SRFBP1: variants seen among roughly 807,000 people sequenced by gnomAD.
SRFBP1 encodes the protein serum response factor-binding protein 1.
Under a neutral mutation model 45.5 loss-of-function variants are expected in SRFBP1, and 47 were observed. The observed-to-expected ratio is 1.03, with a 90% CI of 0.82 to 1.32. The LOEUF is 1.32. Among genes scored for constraint, SRFBP1 ranks in the 40% most tolerant of loss-of-function variants. The pLI, the probability that SRFBP1 is intolerant of heterozygous loss-of-function variation, is 0.00. For missense variants in SRFBP1, 621 were observed against 484.6 expected (o/e 1.28, Z -2.64); for synonymous variants, 203 against 166.3 (o/e 1.22, Z -1.70).
At chr5:122,045,578 G>A (rs116661349) in intron 2 of SRFBP1, among the ~76,000 whole-genome samples, 1 of 152,118 alleles carries the variant, frequency 6.6e-6, no homozygotes, top group African/African-American at 2.4e-5. Context: ...CACCTCAATA[G>A]TTAGCTGTAT....
At chr5:122,017,486 A>AGT in intron 4 of SRFBP1, among the ~76,000 whole-genome samples, 1 of 152,150 alleles carries the variant, frequency 6.6e-6, no homozygotes, top group Middle Eastern at 3.2e-3. Context: ...TGGGCTTAAG[A>AGT]CCACCCTGAT....
At chr5:122,010,902 A>G (rs999370488) in intron 4 of SRFBP1, among the ~76,000 whole-genome samples, 1 of 152,136 alleles carries the variant, frequency 6.6e-6, no homozygotes, top group Non-Finnish European at 1.5e-5. Flanking sequence ...TATTTAAAAA[A>G]TCTTAGTTGA....
intron 3 of SRFBP1, among the ~76,000 whole-genome samples, chr5:121,990,857 T>G (rs1752608064): frequency 6.6e-6 from 1 of 152,200 alleles, no homozygotes; most frequent in African/African-American, 2.4e-5. Context: ...TGAAGCAGAA[T>G]TGTTCCCAAC....
chr5:121,993,555 A>G (rs951754290), intron 3 of SRFBP1, among the ~76,000 whole-genome samples: 1 of 152,120 alleles, frequency 6.6e-6, no homozygotes, highest in African/African-American at 2.4e-5. Flanking sequence ...CCTTTCTACC[A>G]CCCAGTTATA....
intron 4 of SRFBP1, among the ~76,000 whole-genome samples, chr5:122,001,544 A>ATCTT (rs1752869602): frequency 1.6e-5 from 2 of 125,090 alleles, no homozygotes; most frequent in Non-Finnish European, 3.4e-5. Context: ...ATCCTTTGGT[A>ATCTT]TCTTTTTTTT....
chr5:121,997,754 G>C (rs1024775899), intron 4 of SRFBP1, among the ~76,000 whole-genome samples: 2 of 151,520 alleles, frequency 1.3e-5, no homozygotes, highest in African/African-American at 2.4e-5. Flanking sequence ...GAAAATTTTC[G>C]CAACCTACTC....
At chr5:122,024,611 G>A (rs189131455) in intron 7 of SRFBP1, among the ~76,000 whole-genome samples, 1 of 152,214 alleles carries the variant, frequency 6.6e-6, no homozygotes, top group Admixed American at 6.5e-5. Context: ...AACTCAATTA[G>A]CCATGTGACC....
At chr5:122,077,719 A>T, downstream of SRFBP1, 1 of 1,585,998 alleles carries the variant, frequency 6.3e-7, no homozygotes, top group Non-Finnish European at 8.5e-7. The surrounding 1 kb of genome is among the most constrained non-coding windows in gnomAD (Gnocchi z 4.9). Context: ...GCAGGATCGG[A>T]GTGCGGGGCT....
intron 5 of SRFBP1, 81 bp downstream of exon 5, chr5:122,019,422 T>C: frequency 9.3e-7 from 1 of 1,078,560 alleles, no homozygotes; most frequent in East Asian, 2.5e-5. Flanking sequence ...ATTTTAACTC[T>C]TGAGGTTCTA....
At chr5:122,074,026 G>T in intron 2 of SRFBP1, 1 of 1,614,002 alleles carries the variant, frequency 6.2e-7, no homozygotes, top group Non-Finnish European at 8.5e-7. Context: ...TGTGTGTGCA[G>T]TACATGCAAA....
intron 3 of SRFBP1, among the ~76,000 whole-genome samples, chr5:121,982,798 A>G (rs1752437231): frequency 6.6e-6 from 1 of 151,796 alleles, no homozygotes; most frequent in Non-Finnish European, 1.5e-5. Context: ...AGCAGTATGA[A>G]GGGAGAAAGC....
At chr5:122,050,561 A>G (rs925718449) in intron 2 of SRFBP1, among the ~76,000 whole-genome samples, 1 of 151,334 alleles carries the variant, frequency 6.6e-6, no homozygotes, top group African/African-American at 2.4e-5. Flanking sequence ...GTTGGGTTTT[A>G]TTTGTTTGTT....
intron 2 of SRFBP1, among the ~76,000 whole-genome samples, chr5:122,037,271 A>C (rs1753709327): frequency 6.6e-6 from 1 of 151,928 alleles, no homozygotes; most frequent in Admixed American, 6.6e-5. Context: ...AAACTGACAC[A>C]AACATCATGC....
At chr5:122,062,399 A>G (rs137856828) in intron 2 of SRFBP1, among the ~76,000 whole-genome samples, 1 of 152,088 alleles carries the variant, frequency 6.6e-6, no homozygotes. Flanking sequence ...GTATTAACAA[A>G]TGAGTCACAT....
intron 3 of SRFBP1, among the ~76,000 whole-genome samples, chr5:121,983,850 A>T (rs1011112947): frequency 3.3e-5 from 5 of 151,652 alleles, no homozygotes; most frequent in Non-Finnish European, 7.4e-5. Flanking sequence ...TAGTAAACTT[A>T]CTTTGTTTTA....
At chr5:122,004,339 A>G (rs1409447031) in intron 4 of SRFBP1, among the ~76,000 whole-genome samples, 2 of 151,744 alleles carry the variant, frequency 1.3e-5, no homozygotes, top group African/African-American at 4.8e-5. Context: ...TTTTTTTTTC[A>G]TGTGGATATC....
At chr5:121,983,483 C>T (rs1041735779) in intron 3 of SRFBP1, among the ~76,000 whole-genome samples, 2 of 151,540 alleles carry the variant, frequency 1.3e-5, no homozygotes, top group African/African-American at 2.4e-5. Flanking sequence ...GCTATTTTGC[C>T]TTATTTTCTA....
Position 122,020,387 on chromosome 5 carries a change from T to A in SRFBP1, c.652T>A (p.Ser218Thr). ...SEKDSVVSLE[S>T]QKTPADPKLK... ...AAAGGATTCTGTAGTTTCCCTTGAG[T>A]CCCAGAAGACACCTGCTGACCCAAA... Residue 218 changes from serine (S) to threonine (T), a missense_variant, in exon 6 of 8, where the codon TCC becomes ACC. By Grantham distance (58) the Ser-to-Thr change is moderately conservative. Transcript: ENST00000339397. 6.2e-7 allele frequency: 1 copy of A among 1,614,024 alleles called. No homozygotes were observed. Among genetic ancestry groups the A allele is most frequent in the Non-Finnish European group, 8.5e-7 (1 of 1,180,006 alleles).
chr5:121,981,644 G>A (rs1441720000), intron 3 of SRFBP1, among the ~76,000 whole-genome samples: 1 of 147,542 alleles, frequency 6.8e-6, no homozygotes, highest in Non-Finnish European at 1.5e-5. Context: ...TTTAAACATA[G>A]CACATCTCTC....
Sources: allele counts gnomAD v4.1 joint callset (sites outside exome capture counted in the v4.1 genomes callset), GRCh38; gene constraint gnomAD v4.1.1; non-coding constraint Gnocchi (gnomAD v3.1); transcripts MANE v1.5; gene names NCBI Gene and HGNC (gene_info 2026-07-23, HGNC 2026-07-21).